CHD7: variants seen among roughly 807,000 people sequenced by gnomAD.
The protein encoded by CHD7 is ATP-dependent chromatin remodeler CHD7.
CHD7 carries 24 observed loss-of-function variants against 307.3 expected under a neutral mutation model. The observed-to-expected ratio is 0.08, with a 90% confidence interval of 0.06 to 0.11. CHD7 has a LOEUF of 0.11. Among genes scored for constraint, CHD7 ranks in the 10% least tolerant of loss-of-function variants. The probability of loss-of-function intolerance (pLI) is 1.00; values close to 1 mark genes in which losing one functional copy is unlikely to be tolerated. For synonymous variants in CHD7, 1,363 were observed against 1,349.9 expected (o/e 1.01, Z -0.21); for missense variants, 3,106 against 3,727.1 (o/e 0.83, Z 4.34).
chr8:60,710,836 A>C (rs543899012), intron 1 of CHD7, among the ~76,000 whole-genome samples: 30 of 152,364 alleles, frequency 2.0e-4, no homozygotes, highest in African/African-American at 7.2e-4. Context: ...AAAGAGCTGG[A>C]AAATGCATAC....
At chr8:60,857,211 T>C (rs1276656098) in intron 34 of CHD7, among the ~76,000 whole-genome samples, 2 of 152,238 alleles carry the variant, frequency 1.3e-5, no homozygotes, top group African/African-American at 2.4e-5. Context: ...ACAAGTTTCA[T>C]TGATATGTTT....
chr8:60,828,520 A>G (rs1804357569), intron 13 of CHD7, 143 bp from the exon 14 acceptor site: 7 of 703,372 alleles, frequency 1.0e-5, no homozygotes, highest in Non-Finnish European at 1.6e-5. Context: ...GTGTTCTAAT[A>G]CCTCTGTTTT....
chr8:60,742,271 C>G lies in CHD7; in HGVS notation c.839C>G (p.Pro280Arg), dbSNP rs760775347. 1.1e-5 allele frequency: 18 copies of G among 1,613,832 alleles called. No homozygotes were observed. The highest frequency in any genetic ancestry group is 1.7e-5 in the Admixed American group (1 of 59,996). ...AHSPRFSPNP[P>R]QQGAVRPQTL... ...AGTCCCAGATTCTCCCCGAATCCTC[C>G]CCAACAAGGGGCTGTTAGGCCGCAA... Residue 280 changes from proline to arginine, a missense_variant, in exon 2 of 38, where the codon CCC (proline) becomes CGC (arginine). Pro to Arg is a moderately radical substitution (Grantham distance 103, BLOSUM62 -2). Coordinates refer to ENST00000423902, the MANE Select transcript of CHD7 (RefSeq NM_017780.4).
At chr8:60,847,919 A>T (rs181810900) in intron 23 of CHD7, among the ~76,000 whole-genome samples, 37 of 152,232 alleles carry the variant, frequency 2.4e-4, no homozygotes, top group Admixed American at 1.9e-3. Flanking sequence ...ATAGTATTTC[A>T]TACAGGAGAA....
intron 9 of CHD7, 50 bp from the exon 10 acceptor site, chr8:60,821,740 A>G: frequency 2.0e-6 from 3 of 1,512,642 alleles, no homozygotes; most frequent in Non-Finnish European, 2.7e-6. Context: ...ATGTATATGT[A>G]TGTATGTGGT....
chr8:60,756,758 A>G (rs1809918745), intron 2 of CHD7, among the ~76,000 whole-genome samples: 1 of 152,212 alleles, frequency 6.6e-6, no homozygotes, highest in Non-Finnish European at 1.5e-5. Context: ...GGTGCATTGC[A>G]TATCTTAGTT....
chr8:60,781,695 T>G (rs1328662043), intron 3 of CHD7, among the ~76,000 whole-genome samples: 2 of 152,180 alleles, frequency 1.3e-5, no homozygotes, highest in Non-Finnish European at 2.9e-5. Context: ...AAACTTATCA[T>G]TTAGCAAATG....
intron 1 of CHD7, 117 bp downstream of exon 1, chr8:60,679,199 G>C (rs1805433301): frequency 6.6e-6 from 1 of 151,562 alleles, no homozygotes; most frequent in African/African-American, 2.4e-5. Flanking sequence ...GGAGTTGGGC[G>C]TGTGCGGGGC....
intron 2 of CHD7, among the ~76,000 whole-genome samples, chr8:60,758,415 C>T (rs934223124): frequency 4.6e-5 from 7 of 152,144 alleles, no homozygotes; most frequent in East Asian, 3.8e-4. Flanking sequence ...TGAGCCACTG[C>T]ACCCAGTCTA....
At chr8:60,767,688 C>T (rs931683986) in intron 2 of CHD7, among the ~76,000 whole-genome samples, 5 of 152,186 alleles carry the variant, frequency 3.3e-5, no homozygotes, top group African/African-American at 9.7e-5. Context: ...CAGCTCTGTG[C>T]GGGACTCCTC....
At chr8:60,827,429 G>C (rs566995738) in intron 13 of CHD7, among the ~76,000 whole-genome samples, 1 of 152,208 alleles carries the variant, frequency 6.6e-6, no homozygotes, top group South Asian at 2.1e-4. Context: ...AACTACTGCA[G>C]TAACTCTTTC....
intron 12 of CHD7, 103 bp from the exon 13 acceptor site, chr8:60,823,737 A>C: frequency 1.0e-6 from 1 of 957,838 alleles, no homozygotes; most frequent in Non-Finnish European, 1.6e-6. Flanking sequence ...AAATAAAGAG[A>C]TCTCCAAAGG....
intron 1 of CHD7, among the ~76,000 whole-genome samples, chr8:60,700,071 C>T (rs1806684569): frequency 6.6e-6 from 1 of 152,150 alleles, no homozygotes; most frequent in African/African-American, 2.4e-5. Flanking sequence ...CTCCCGACCT[C>T]AGGTGATCTG....
At chr8:60,819,890 C>T (rs1803944814) in intron 8 of CHD7, 117 bp from the exon 9 acceptor site, 3 of 692,708 alleles carry the variant, frequency 4.3e-6, no homozygotes, top group Non-Finnish European at 7.3e-6. Context: ...TAGAATTTGC[C>T]AAATGTAAGT....
At position 60,850,508 on chromosome 8, in the gene CHD7, A is replaced by G. The variant is rs1001632406; in HGVS notation, c.5420A>G (p.Asn1807Ser). 1 of 1,613,180 alleles carries G rather than the reference A, an allele frequency of 6.2e-7. No individual in the cohort carries two copies. Among genetic ancestry groups the G allele is most frequent in the African/African-American group, 1.3e-5 (1 of 74,972 alleles). ...GVFKHGYEKY[N>S]SMRADPALCF... The stretch of plus-strand genomic sequence containing the variant: ...CACGGCACAGGCTATGAGAAGTACA[A>G]CTCCATGCGAGCTGACCCCGCGCTG... Residue 1807 changes from asparagine (N) to serine (S), a missense_variant, in exon 26 of 38, where the codon AAC becomes AGC. This residue lies in a region of CHD7 where 1,030 missense variants were observed against 1,165.4 expected (regional missense o/e 0.88). Transcript: ENST00000423902.
intron 2 of CHD7, among the ~76,000 whole-genome samples, chr8:60,747,423 AAAT>A (rs1437674340): frequency 6.6e-6 from 1 of 152,246 alleles, no homozygotes; most frequent in Non-Finnish European, 1.5e-5. Context: ...AATTATTTAA[AAAT>A]AATAAACCAT....
At chr8:60,681,745 G>T (rs934322019) in intron 1 of CHD7, among the ~76,000 whole-genome samples, 2 of 152,132 alleles carry the variant, frequency 1.3e-5, no homozygotes, top group Non-Finnish European at 1.5e-5. Context: ...TGGTACTCAA[G>T]AATTGGGATT....
At chr8:60,775,577 A>G (rs1208077544) in intron 2 of CHD7, among the ~76,000 whole-genome samples, 4 of 152,202 alleles carry the variant, frequency 2.6e-5, no homozygotes, top group African/African-American at 4.8e-5. Flanking sequence ...TGCTATCACT[A>G]TATCAGTATA....
At chr8:60,711,187 T>C (rs2150524341) in intron 1 of CHD7, among the ~76,000 whole-genome samples, 1 of 152,320 alleles carries the variant, frequency 6.6e-6, no homozygotes, top group Non-Finnish European at 1.5e-5. Context: ...AGTGTAAACA[T>C]TGAATAACTT....
Sources: gnomAD v4.1 joint callset for allele counts (sites outside exome capture counted in the v4.1 genomes callset) on GRCh38, gnomAD v4.1.1 for gene constraint, gnomAD v4.1.1 regional missense constraint, MANE v1.5 for transcripts, NCBI Gene and HGNC (gene_info 2026-07-23, HGNC 2026-07-21) for gene names.